The following DYNC2I1 variants were observed in gnomAD, a reference collection of about 807,000 sequenced individuals.
The protein encoded by DYNC2I1 is cytoplasmic dynein 2 intermediate chain 1.
A neutral mutation model predicts 133.4 loss-of-function variants in DYNC2I1; 89 were observed. That is an observed-to-expected ratio of 0.67 (90% confidence interval 0.56 to 0.80). The LOEUF (loss-of-function observed/expected upper bound fraction) is 0.80. Ranked by LOEUF, DYNC2I1 falls within the 30% of genes least tolerant of loss-of-function variation. The probability of loss-of-function intolerance (pLI) is 0.00; values close to 1 mark genes in which losing one functional copy is unlikely to be tolerated. For missense variants in DYNC2I1, 1,291 were observed against 1,314.5 expected (o/e 0.98, Z 0.28); for synonymous variants, 504 against 484.3 (o/e 1.04, Z -0.54).
intron 1 of DYNC2I1, among the ~76,000 whole-genome samples, chr7:158,857,459 A>AT (rs1180254784): frequency 7.2e-6 from 1 of 138,572 alleles, no homozygotes; most frequent in South Asian, 2.2e-4. Flanking sequence ...CACTCCTATT[A>AT]TTTTTTCCCC....
At chr7:158,923,482 G>A in intron 16 of DYNC2I1, 89 bp from the exon 17 acceptor site, 1 of 1,582,146 alleles carries the variant, frequency 6.3e-7, no homozygotes, top group Non-Finnish European at 8.7e-7. Flanking sequence ...AGTGAAACAT[G>A]GTCAGACACC....
chr7:158,901,907 C>A, intron 9 of DYNC2I1, 91 bp downstream of exon 9: 2 of 998,936 alleles, frequency 2.0e-6, no homozygotes. Flanking sequence ...CCTTTTTATT[C>A]TTTTTATTAA....
Position 158,871,310 on chromosome 7 carries a change from C to G in DYNC2I1, c.238C>G (p.Pro80Ala). ...CGAAGTCCACACCGCTAAGGAGAGT[C>G]CTCGTGGGGAGAGGGACAGAGACAG... ...VAEVHTAKES[P>A]RGERDRDRQR... is the part of the protein sequence containing the mutation. Residue 80 changes from proline (P) to alanine (A), a missense_variant, in exon 3 of 25, where the codon CCT becomes GCT. By Grantham distance (27) the Pro-to-Ala change is conservative. Coordinates refer to ENST00000407559, the MANE Select transcript of DYNC2I1 (RefSeq NM_018051.5). The G allele has an allele frequency of 6.4e-7, 1 of 1,569,016 alleles. No individual in the cohort carries two copies. The highest frequency in any genetic ancestry group is 8.6e-7 in the Non-Finnish European group (1 of 1,156,308).
intron 7 of DYNC2I1, among the ~76,000 whole-genome samples, chr7:158,890,700 A>G (rs1244109880): frequency 6.6e-6 from 1 of 151,940 alleles, no homozygotes; most frequent in Non-Finnish European, 1.5e-5. Context: ...CAGCCTCCCA[A>G]GTAACTGGGA....
At chr7:158,939,983 C>T (rs902808554) in intron 23 of DYNC2I1, among the ~76,000 whole-genome samples, 6 of 151,992 alleles carry the variant, frequency 3.9e-5, no homozygotes, top group Non-Finnish European at 2.9e-5. Flanking sequence ...CCAGAGCTCC[C>T]AAGTATAGAA....
At position 158,901,814 on chromosome 7, in the gene DYNC2I1, G is replaced by C; in HGVS notation, c.1135G>C (p.Glu379Gln). 3 of 1,563,362 alleles carry C rather than the reference G, an allele frequency of 1.9e-6. No individual in the cohort carries two copies. The highest frequency in any genetic ancestry group is 2.6e-6 in the Non-Finnish European group (3 of 1,154,162). ...AYTASCEDDF[E>Q]DYEDDFEVCD... is the part of the protein sequence containing the mutation. ...TACAGCCAGTTGTGAAGATGATTTTGAAGTATGTATAAAAGTTAAAACTTT... is the reference window on the plus strand; with the variant it reads ...TACAGCCAGTTGTGAAGATGATTTTCAAGTATGTATAAAAGTTAAAACTTT... Residue 379 changes from glutamate (E) to glutamine (Q), a missense_variant and splice_region_variant, in exon 9 of 25, where the codon GAA becomes CAA. Coordinates refer to ENST00000407559, the MANE Select transcript of DYNC2I1 (RefSeq NM_018051.5).
upstream of DYNC2I1, among the ~76,000 whole-genome samples, chr7:158,853,196 A>G (rs1841094244): frequency 6.6e-6 from 1 of 152,164 alleles, no homozygotes; most frequent in African/African-American, 2.4e-5. Context: ...GTTGGCCACA[A>G]GGGGAGGATG....
intron 7 of DYNC2I1, 68 bp downstream of exon 7, chr7:158,887,143 G>A (rs1170341639): frequency 6.5e-7 from 1 of 1,532,318 alleles, no homozygotes; most frequent in African/African-American, 1.4e-5. Flanking sequence ...ATCTTACTTT[G>A]GGCTTCCCCT....
At chr7:158,901,392 G>A (rs1203017098) in intron 8 of DYNC2I1, among the ~76,000 whole-genome samples, 1 of 152,172 alleles carries the variant, frequency 6.6e-6, no homozygotes, top group Non-Finnish European at 1.5e-5. Flanking sequence ...GTCTTTAATG[G>A]TGTAGATAAG....
intron 8 of DYNC2I1, among the ~76,000 whole-genome samples, chr7:158,900,231 C>T (rs1846112419): frequency 6.6e-6 from 1 of 151,664 alleles, no homozygotes; most frequent in African/African-American, 2.4e-5. Flanking sequence ...AAGTGATTCT[C>T]CTGCTTCAGC....
intron 23 of DYNC2I1, among the ~76,000 whole-genome samples, chr7:158,938,129 C>CA: frequency 6.6e-6 from 1 of 152,270 alleles, no homozygotes; most frequent in East Asian, 1.9e-4. Flanking sequence ...CAGAGAACAT[C>CA]AAACAGATTC....
chr7:158,941,806 A>G, intron 23 of DYNC2I1, 119 bp from the exon 24 acceptor site: 4 of 1,138,378 alleles, frequency 3.5e-6, no homozygotes, highest in South Asian at 1.4e-5. Flanking sequence ...TGAGCCCGGG[A>G]GGTCAAGCTG....
In DYNC2I1 at chr7:158,885,529, A is replaced by G. The variant is rs759258500; in HGVS notation, c.935+910A>G. Among the ~76,000 whole-genome samples the G allele has an allele frequency of 7.2e-5, 11 of 152,034 alleles. No homozygotes were observed. The South Asian group carries it at 8.3e-4, about 11-fold the overall frequency. On this transcript the variant is annotated intron_variant, in intron 6 of 24. Coordinates refer to ENST00000407559, the MANE Select transcript of DYNC2I1 (RefSeq NM_018051.5). The stretch of plus-strand genomic sequence containing the variant: ...GCTAATTTTTGTATTTTTGGTAGAG[A>G]TGGAGTTTCACCATGTTGGCCAGGC...
rs1231604488 is a variant in DYNC2I1 at position 158,926,512 on chromosome 7, C to T, written c.2433+49C>T. 6 of 1,592,834 alleles carry T rather than the reference C, an allele frequency of 3.8e-6. No individual in the cohort carries two copies. The Admixed American group carries it at 8.8e-5, about 23-fold the overall frequency. On this transcript the variant is annotated intron_variant, in intron 19 of 24. Coordinates refer to ENST00000407559, the MANE Select transcript of DYNC2I1 (RefSeq NM_018051.5). ...ACATGCGGGGCCTGAGTGAGGTGGT[C>T]TGGGTGGAGGTGGCGCCTGAATGGC...
At chr7:158,915,543 G>C (rs112630969) in intron 14 of DYNC2I1, among the ~76,000 whole-genome samples, 2 of 134,586 alleles carry the variant, frequency 1.5e-5, no homozygotes, top group Non-Finnish European at 3.1e-5. Context: ...ACCTCGACAC[G>C]GTGGTTGAGA....
intron 4 of DYNC2I1, among the ~76,000 whole-genome samples, chr7:158,956,013 T>A (rs763869860): frequency 6.6e-6 from 1 of 152,248 alleles, no homozygotes; most frequent in Non-Finnish European, 1.5e-5. Context: ...GCCTTACTCA[T>A]AGTTGTGCTT....
At chr7:158,935,389 G>A (rs911466379) in intron 23 of DYNC2I1, among the ~76,000 whole-genome samples, 1 of 152,172 alleles carries the variant, frequency 6.6e-6, no homozygotes, top group Non-Finnish European at 1.5e-5. Flanking sequence ...AACTTTATAC[G>A]TGATTAAATG....
At chr7:158,843,188 G>A in the DYNC2I1 span, among the ~76,000 whole-genome samples, 4 of 152,062 alleles carry the variant, frequency 2.6e-5, no homozygotes, top group African/African-American at 7.2e-5. Flanking sequence ...TCCACCTCCC[G>A]GGTTCAAGTG....
At chr7:158,858,917 T>TCCCCTCC (rs1262661840) in intron 1 of DYNC2I1, among the ~76,000 whole-genome samples, 1 of 22,024 alleles carries the variant, frequency 4.5e-5, no homozygotes, top group African/African-American at 2.2e-4. Flanking sequence ...CCCTCCCCTC[T>TCCCCTCC]CCCCTCCCCC....
Sources: allele counts gnomAD v4.1 joint callset (sites outside exome capture counted in the v4.1 genomes callset), GRCh38; gene constraint gnomAD v4.1.1; transcripts MANE v1.5; gene names NCBI Gene and HGNC (gene_info 2026-07-23, HGNC 2026-07-21).